NIM1K: variants seen among roughly 807,000 people sequenced by gnomAD.
The protein encoded by NIM1K is NIM1 serine/threonine protein kinase.
NIM1K carries 35 observed loss-of-function variants against 37.1 expected under a neutral mutation model. That is an observed-to-expected ratio of 0.94 (90% CI 0.72 to 1.25). The LOEUF (loss-of-function observed/expected upper bound fraction) is 1.25, where lower values mean the gene tolerates loss of function less well. Ranked by LOEUF, NIM1K falls within the 50% of genes most tolerant of loss-of-function variation. The probability of loss-of-function intolerance (pLI) is 0.00; values close to 1 mark genes in which losing one functional copy is unlikely to be tolerated. For missense variants in NIM1K, 564 were observed against 548.0 expected, an observed-to-expected ratio of 1.03 and a Z score of -0.29; for synonymous variants, 234 against 206.6, an observed-to-expected ratio of 1.13 and a Z score of -1.14.
At chr5:43,269,176 T>TGG (rs70994681) in intron 2 of NIM1K, among the ~76,000 whole-genome samples, 4 of 151,416 alleles carry the variant, frequency 2.6e-5, no homozygotes, top group African/African-American at 7.3e-5. Flanking sequence ...CCAGGCATGG[T>TGG]GGGGGCACCT....
intron 1 of NIM1K, among the ~76,000 whole-genome samples, chr5:43,204,780 G>A (rs1752084937): frequency 6.6e-6 from 1 of 152,170 alleles, no homozygotes; most frequent in Non-Finnish European, 1.5e-5. Flanking sequence ...GCTGAGGCGG[G>A]TGGATTACTT....
chr5:43,230,900 G>A (rs936734622), intron 1 of NIM1K, among the ~76,000 whole-genome samples: 1 of 152,240 alleles, frequency 6.6e-6, no homozygotes, highest in Non-Finnish European at 1.5e-5. Context: ...ATATGCACAT[G>A]GTCTGTCCTG....
intron 1 of NIM1K, chr5:43,232,781 C>G (rs1752561140): frequency 5.4e-6 from 6 of 1,101,232 alleles, no homozygotes; most frequent in Admixed American, 3.6e-5. Context: ...CCTTGGCGAT[C>G]CATGCACTGT....
At chr5:43,260,425 G>T (rs1753009852) in intron 2 of NIM1K, among the ~76,000 whole-genome samples, 2 of 152,056 alleles carry the variant, frequency 1.3e-5, no homozygotes, top group Non-Finnish European at 2.9e-5. Context: ...TGTTGTCATT[G>T]TTTTTGTCAT....
intron 1 of NIM1K, among the ~76,000 whole-genome samples, chr5:43,237,379 C>T (rs1752636988): frequency 6.6e-6 from 1 of 152,198 alleles, no homozygotes; most frequent in African/African-American, 2.4e-5. Flanking sequence ...TCTACCTGCT[C>T]CAGAGGCTTT....
intron 2 of NIM1K, among the ~76,000 whole-genome samples, chr5:43,248,726 T>C (rs1374278048): frequency 6.6e-6 from 1 of 151,888 alleles, no homozygotes; most frequent in East Asian, 1.9e-4. Flanking sequence ...GAGGTATAAG[T>C]TCCAGTCTGA....
chr5:43,192,266 T>G lies in NIM1K; in HGVS notation c.-840T>G, dbSNP rs1338281221. The G allele has an allele frequency of 3.3e-5, 5 of 152,594 alleles. No homozygotes were observed. Among genetic ancestry groups the G allele is most frequent in the African/African-American group, 1.2e-4 (5 of 41,574 alleles). 9.5% of individuals were successfully genotyped at this position (152,594 alleles called of 1,614,324 possible). A position where few individuals can be genotyped will look rare whatever the true frequency, so the allele number is the denominator to read the frequency against. ...CGCTGCCGGTCAGGTCGGCCGCCCC[T>G]GACAGCTCCGGGAGCCTCAAGCGCG... On this transcript the variant is annotated 5_prime_UTR_variant, in exon 1 of 4. Coordinates refer to ENST00000326035, the MANE Select transcript of NIM1K (RefSeq NM_153361.4).
chr5:43,215,666 G>T (rs138148806), intron 1 of NIM1K, among the ~76,000 whole-genome samples: 3 of 152,276 alleles, frequency 2.0e-5, no homozygotes, highest in East Asian at 3.9e-4. Flanking sequence ...GTCCCTGACC[G>T]CAAGTGATCT....
At chr5:43,238,074 G>A (rs552341795) in intron 1 of NIM1K, among the ~76,000 whole-genome samples, 14 of 128,090 alleles carry the variant, frequency 1.1e-4, no homozygotes, top group African/African-American at 3.0e-4. Flanking sequence ...ATGGAGTCTC[G>A]CTCTGTCGCC....
rs1303469969 is a variant in NIM1K, at chr5:43,245,882, A to G, written c.107A>G (p.Glu36Gly). The G allele has an allele frequency of 5.0e-6, 8 of 1,613,976 alleles. No individual in the cohort carries two copies. The highest frequency in any genetic ancestry group is 6.8e-6 in the Non-Finnish European group (8 of 1,180,002). The change falls in exon 2 of 4, where the codon GAG becomes GGG. Residue 36 changes from glutamate to glycine, a missense_variant. By Grantham distance (98) the Glu-to-Gly change is moderately conservative. Transcript: ENST00000326035. The part of the protein sequence containing the change: ...ESGCQTESSK[E>G]GEEGQPRQLT... ...GGCTGTCAGACCGAGAGTAGCAAGGAGGGTGAGGAGGGACAGCCCCGCCAG... is the reference window on the plus strand; with the variant it reads ...GGCTGTCAGACCGAGAGTAGCAAGGGGGGTGAGGAGGGACAGCCCCGCCAG...
chr5:43,248,986 T>C (rs1383776823), intron 2 of NIM1K, among the ~76,000 whole-genome samples: 1 of 151,980 alleles, frequency 6.6e-6, no homozygotes, highest in South Asian at 2.1e-4. Flanking sequence ...GTGATTCTCC[T>C]GCCTCATCCC....
rs1456157060 is a variant in NIM1K at position 43,245,174 on chromosome 5, C to A, written c.-602C>A. 2 of 152,230 alleles carry A rather than the reference C, an allele frequency of 1.3e-5. No homozygotes were observed. The allele number at this position is 152,230 out of a possible 1,614,324, so 9.4% of individuals were successfully genotyped here. Reference sequence around the variant, plus strand: ...TAAAGTGACATTGCAGGGATTAAATCCTTCTTTGGCTGCCTGTGTGACCAG... The same window carrying A: ...TAAAGTGACATTGCAGGGATTAAATACTTCTTTGGCTGCCTGTGTGACCAG... On this transcript the variant is annotated 5_prime_UTR_variant, in exon 2 of 4. Transcript: ENST00000326035.
intron 1 of NIM1K, among the ~76,000 whole-genome samples, chr5:43,204,838 A>G (rs1294033148): frequency 6.6e-6 from 1 of 152,034 alleles, no homozygotes; most frequent in Non-Finnish European, 1.5e-5. Flanking sequence ...AAAATCAAAT[A>G]TACAAAATTT....
intron 1 of NIM1K, among the ~76,000 whole-genome samples, chr5:43,226,232 G>C (rs888379132): frequency 6.6e-6 from 1 of 152,244 alleles, no homozygotes; most frequent in African/African-American, 2.4e-5. Context: ...AAAGGGTTTT[G>C]AGTAGAGAAG....
intron 2 of NIM1K, among the ~76,000 whole-genome samples, chr5:43,256,912 A>G (rs1207441462): frequency 6.6e-6 from 1 of 151,960 alleles, no homozygotes; most frequent in Non-Finnish European, 1.5e-5. Flanking sequence ...TTCTAGGATC[A>G]CCTCCCTCAT....
chr5:43,270,723 G>A lies in NIM1K; in HGVS notation c.293-6334G>A, dbSNP rs147450801. ...CCAACAGCATGGGTGCAGGCAGAGA[G>A]TAGTGGGAAGCTGGATTTAACCAGA... On this transcript the variant is annotated intron_variant, in intron 2 of 3. Coordinates refer to ENST00000326035, the MANE Select transcript of NIM1K (RefSeq NM_153361.4). 4.3e-4 allele frequency among the ~76,000 whole-genome samples: 65 copies of A among 152,322 alleles called. 1 individual carries two copies. The East Asian group carries it at 0.012, about 27-fold the overall frequency.
At chr5:43,278,718 G>A (rs1403111439) in intron 3 of NIM1K, among the ~76,000 whole-genome samples, 7 of 152,166 alleles carry the variant, frequency 4.6e-5, no homozygotes, top group Non-Finnish European at 1.5e-5. Context: ...GAAAAAGTCA[G>A]ATAAAACAGT....
rs544128302 is a variant in NIM1K at position 43,228,699 on chromosome 5, G to C, written c.-694-16383G>C. Among the ~76,000 whole-genome samples the C allele has an allele frequency of 1.5e-4, 23 of 151,684 alleles. No homozygotes were observed. In the South Asian group the frequency reaches 4.2e-3, roughly 28 times the overall value. ...CCTAAAAATCAGCTAGGTGTGGCAG[G>C]GCACATCTGTGATCCCAGCTACTTG... On this transcript the variant is annotated intron_variant, in intron 1 of 3. Transcript: ENST00000326035.
chr5:43,232,816 A>T, intron 1 of NIM1K: 1 of 1,052,872 alleles, frequency 9.5e-7, no homozygotes, highest in Non-Finnish European at 1.5e-6. Context: ...AATTTGGTCC[A>T]AAACGAGGTC....
Sources: gnomAD v4.1 joint callset for allele counts (sites outside exome capture counted in the v4.1 genomes callset) on GRCh38, gnomAD v4.1.1 for gene constraint, MANE v1.5 for transcripts, NCBI Gene and HGNC (gene_info 2026-07-23, HGNC 2026-07-21) for gene names.